SLC22A24: variants seen among roughly 807,000 people sequenced by gnomAD.
SLC22A24 encodes the protein steroid transmembrane transporter SLC22A24.
Under a neutral mutation model 49.8 loss-of-function variants are expected in SLC22A24, and 53 were observed. The observed-to-expected ratio is 1.06, with a 90% confidence interval of 0.85 to 1.34. The LOEUF (loss-of-function observed/expected upper bound fraction) is 1.34. Among genes scored for constraint, SLC22A24 ranks in the 40% most tolerant of loss-of-function variants. The probability of loss-of-function intolerance (pLI) is 0.00; values close to 1 mark genes in which losing one functional copy is unlikely to be tolerated. For missense variants in SLC22A24, 786 were observed against 675.9 expected, an observed-to-expected ratio of 1.16 and a Z score of -1.81; for synonymous variants, 302 against 256.4, an observed-to-expected ratio of 1.18 and a Z score of -1.70.
Position 63,144,020 on chromosome 11 carries a change from A to G in SLC22A24, c.-241T>C, listed in dbSNP as rs2087435580. On this transcript the variant is annotated 5_prime_UTR_variant, in exon 1 of 10. Transcript: ENST00000612278. ...AGTTTCAGAAGTCACAGATATAATTATTTGGCAAAGAGACTGCTAGCTGTT... is the reference window on the plus strand; with the variant it reads ...AGTTTCAGAAGTCACAGATATAATTGTTTGGCAAAGAGACTGCTAGCTGTT... 2.9e-6 allele frequency: 1 copy of G among 348,634 alleles called. No individual in the cohort carries two copies. The highest frequency in any genetic ancestry group is 1.5e-4 in the South Asian group (1 of 6,616). The allele number at this position is 348,634 out of a possible 1,614,324, so 21.6% of individuals were successfully genotyped here.
chr11:63,086,259 A>G (rs1234830508), intron 6 of SLC22A24, among the ~76,000 whole-genome samples: 1 of 152,224 alleles, frequency 6.6e-6, no homozygotes, highest in Non-Finnish European at 1.5e-5. Flanking sequence ...CAGCTTATTC[A>G]TAATAGTAAA....
chr11:63,098,883 G>GA (rs1444740633), intron 5 of SLC22A24, among the ~76,000 whole-genome samples: 1 of 151,860 alleles, frequency 6.6e-6, no homozygotes, highest in Non-Finnish European at 1.5e-5. Context: ...TCTAGGCTAA[G>GA]AAAAAAGAGA....
intron 4 of SLC22A24, among the ~76,000 whole-genome samples, chr11:63,114,693 T>G (rs2087199317): frequency 6.6e-6 from 1 of 152,200 alleles, no homozygotes; most frequent in African/African-American, 2.4e-5. Context: ...TCTTTGTGGT[T>G]TTATCTACCT....
chr11:63,114,991 G>A (rs1372047234), intron 4 of SLC22A24, among the ~76,000 whole-genome samples: 4 of 152,200 alleles, frequency 2.6e-5, no homozygotes, highest in Non-Finnish European at 5.9e-5. Flanking sequence ...CTACTGGGAG[G>A]TGTCTCCCAG....
At chr11:63,082,465 C>T (rs1038232345) in intron 7 of SLC22A24, among the ~76,000 whole-genome samples, 6 of 152,170 alleles carry the variant, frequency 3.9e-5, no homozygotes, top group Admixed American at 3.9e-4. Context: ...GGGAATCCTG[C>T]AAAATATGTT....
chr11:63,122,555 A>G (rs2087259372), intron 2 of SLC22A24, among the ~76,000 whole-genome samples: 1 of 152,110 alleles, frequency 6.6e-6, no homozygotes, highest in African/African-American at 2.4e-5. Context: ...TTGCTCTGCC[A>G]CCAGGCTGGA....
chr11:63,114,038 G>A (rs755926320), intron 4 of SLC22A24, among the ~76,000 whole-genome samples: 61 of 152,010 alleles, frequency 4.0e-4, no homozygotes, highest in Non-Finnish European at 6.5e-4. Context: ...ACAATTGTGT[G>A]TCTTGGGGTT....
intron 1 of SLC22A24, among the ~76,000 whole-genome samples, chr11:63,140,698 G>A (rs1434177400): frequency 1.3e-5 from 2 of 152,116 alleles, no homozygotes; most frequent in Non-Finnish European, 2.9e-5. Flanking sequence ...AACAAAAGTA[G>A]CAAAGAGTTA....
At chr11:63,111,379 G>T (rs532787403) in intron 4 of SLC22A24, among the ~76,000 whole-genome samples, 1 of 151,552 alleles carries the variant, frequency 6.6e-6, no homozygotes, top group African/African-American at 2.4e-5. Flanking sequence ...GAGTTAGGGA[G>T]GATTCCTTCT....
chr11:63,090,778 CA>C (rs1009188162), intron 6 of SLC22A24, among the ~76,000 whole-genome samples: 3 of 151,624 alleles, frequency 2.0e-5, no homozygotes, highest in African/African-American at 7.3e-5. Context: ...ACAGGTAAAG[CA>C]GTGTTAAGAA....
intron 6 of SLC22A24, among the ~76,000 whole-genome samples, chr11:63,087,430 T>A (rs2086994143): frequency 6.6e-6 from 1 of 152,188 alleles, no homozygotes; most frequent in Non-Finnish European, 1.5e-5. Flanking sequence ...AATCTGCAGA[T>A]CAGGAGATTC....
intron 5 of SLC22A24, among the ~76,000 whole-genome samples, chr11:63,102,734 G>A (rs145992355): frequency 6.6e-6 from 1 of 152,216 alleles, no homozygotes; most frequent in East Asian, 1.9e-4. Flanking sequence ...GTATCCAAAA[G>A]GGAAGAGATT....
intron 2 of SLC22A24, among the ~76,000 whole-genome samples, chr11:63,127,313 C>CT (rs1212991761): frequency 1.3e-5 from 2 of 152,088 alleles, no homozygotes; most frequent in Non-Finnish European, 2.9e-5. Context: ...TGAACTCATC[C>CT]TTTTTTATGG....
chr11:63,101,491 A>C (rs1486826590), intron 5 of SLC22A24, among the ~76,000 whole-genome samples: 1 of 152,058 alleles, frequency 6.6e-6, no homozygotes, highest in Non-Finnish European at 1.5e-5. Context: ...ACAAATTAGA[A>C]ATAAAGCATA....
chr11:63,119,783 A>G (rs1322485010), intron 2 of SLC22A24, among the ~76,000 whole-genome samples: 1 of 152,166 alleles, frequency 6.6e-6, no homozygotes, highest in Non-Finnish European at 1.5e-5. Context: ...TGGAAAGACA[A>G]TAAATCAAAG....
chr11:63,114,431 T>C (rs1262617304), intron 4 of SLC22A24, among the ~76,000 whole-genome samples: 1 of 152,174 alleles, frequency 6.6e-6, no homozygotes, highest in Non-Finnish European at 1.5e-5. Flanking sequence ...ACTTAAGGTC[T>C]TCTCTACACT....
At chr11:63,108,376 G>T (rs1044153162) in intron 4 of SLC22A24, among the ~76,000 whole-genome samples, 7 of 152,178 alleles carry the variant, frequency 4.6e-5, no homozygotes, top group African/African-American at 7.2e-5. Context: ...GTTCATCAGG[G>T]ATATTGGTCT....
At chr11:63,080,134 T>C in intron 9 of SLC22A24, 134 bp from the exon 10 acceptor site, 1 of 597,072 alleles carries the variant, frequency 1.7e-6, no homozygotes, top group South Asian at 2.4e-5. Context: ...CAAGATTCTC[T>C]AGATATTGAT....
chr11:63,144,145 G>A lies in SLC22A24; in HGVS notation c.-366C>T, dbSNP rs138934182. 28 of 172,528 alleles carry A rather than the reference G, an allele frequency of 1.6e-4. No homozygotes were observed. Among genetic ancestry groups the A allele is most frequent in the Admixed American group, 1.3e-3 (21 of 15,814 alleles). The allele number at this position is 172,528 out of a possible 1,614,324, so 10.7% of individuals were successfully genotyped here. On this transcript the variant is annotated 5_prime_UTR_variant, in exon 1 of 10. It adds an upstream start codon to the 5' untranslated region. Coordinates refer to ENST00000612278, the MANE Select transcript of SLC22A24 (RefSeq NM_001136506.2). ...ATTTTCAGGTGGATGCAGTCCCCAC[G>A]TGACCTAAAATACACCTGTTCAATA...
Sources: gnomAD v4.1 joint callset for allele counts (sites outside exome capture counted in the v4.1 genomes callset) on GRCh38, gnomAD v4.1.1 for gene constraint, MANE v1.5 for transcripts, NCBI Gene and HGNC (gene_info 2026-07-23, HGNC 2026-07-21) for gene names.